The following SPHKAP variants were observed in gnomAD, a reference collection of about 807,000 sequenced individuals.
SPHKAP encodes SPHK1 interactor, AKAP domain containing.
In SPHKAP, 67 loss-of-function variants were observed where a neutral mutation model predicts 137.5. The observed-to-expected ratio is 0.49, with a 90% CI of 0.40 to 0.60. The LOEUF (loss-of-function observed/expected upper bound fraction) is 0.60. SPHKAP is among the 20% of genes least tolerant of loss of function. The probability of loss-of-function intolerance (pLI) is 0.00; values close to 1 mark genes in which losing one functional copy is unlikely to be tolerated. For synonymous variants in SPHKAP, 813 were observed against 785.3 expected (o/e 1.04, Z -0.59); for missense variants, 2,097 against 2,069.3 (o/e 1.01, Z -0.26).
At chr2:228,092,450 ATGTATACATATATGTGC>A (rs1368205769) in intron 3 of SPHKAP, among the ~76,000 whole-genome samples, 11 of 24,450 alleles carry the variant, frequency 4.5e-4, no homozygotes, top group South Asian at 3.1e-3. Flanking sequence ...TGCCATATAT[ATGTATACATATATGTGC>A]CATATATATG....
intron 1 of SPHKAP, among the ~76,000 whole-genome samples, chr2:228,177,453 C>T (rs1236459038): frequency 6.6e-6 from 1 of 152,146 alleles, no homozygotes; most frequent in Admixed American, 6.5e-5. Flanking sequence ...GTTAAGTGTA[C>T]TCTTAAGGCA....
intron 1 of SPHKAP, among the ~76,000 whole-genome samples, chr2:228,137,049 A>G (rs547431812): frequency 6.6e-6 from 1 of 151,806 alleles, no homozygotes; most frequent in African/African-American, 2.4e-5. Flanking sequence ...ACACACAAAC[A>G]CACTTACGCT....
At chr2:228,103,162 T>A (rs1319107950) in intron 3 of SPHKAP, among the ~76,000 whole-genome samples, 1 of 152,220 alleles carries the variant, frequency 6.6e-6, no homozygotes, top group Non-Finnish European at 1.5e-5. Flanking sequence ...CGATGTTCTG[T>A]GTCATGCTTT....
intron 3 of SPHKAP, among the ~76,000 whole-genome samples, chr2:228,041,972 C>T (rs1269821901): frequency 1.3e-5 from 2 of 151,936 alleles, no homozygotes; most frequent in African/African-American, 4.8e-5. Flanking sequence ...AAGGCCGAAC[C>T]ATAACTATGA....
At chr2:228,026,247 G>A (rs1335846213) in intron 4 of SPHKAP, among the ~76,000 whole-genome samples, 1 of 152,004 alleles carries the variant, frequency 6.6e-6, no homozygotes, top group Non-Finnish European at 1.5e-5. Context: ...CCAGTATCGG[G>A]TATGTGTTTA....
At chr2:228,125,874 C>T (rs750580500) in intron 2 of SPHKAP, among the ~76,000 whole-genome samples, 16 of 151,932 alleles carry the variant, frequency 1.1e-4, no homozygotes, top group South Asian at 2.1e-4. Context: ...GTCAGAAGTT[C>T]GAGAACAGCC....
At chr2:228,136,017 A>C (rs967997026) in intron 1 of SPHKAP, among the ~76,000 whole-genome samples, 2 of 152,180 alleles carry the variant, frequency 1.3e-5, no homozygotes, top group Non-Finnish European at 2.9e-5. Flanking sequence ...ATGGAGAAAG[A>C]ATTTTTAGAG....
Position 228,018,514 on chromosome 2 carries a change from C to T in SPHKAP, c.2340G>A (p.Thr780=), listed in dbSNP as rs754790953. The T allele has an allele frequency of 9.3e-6, 15 of 1,614,110 alleles. No individual in the cohort carries two copies. The highest frequency in any genetic ancestry group is 4.4e-5 in the South Asian group (4 of 91,062). ...CCACAAGATTGTTGATGACAAGACTCGTGTTGTGTGAATTGCTAAGTGGAG... is the reference window on the plus strand; with the variant it reads ...CCACAAGATTGTTGATGACAAGACTTGTGTTGTGTGAATTGCTAAGTGGAG... ...SSSPLSNSHN[T]SLVINNLVDG... is the part of the protein sequence containing the mutation. The change falls in exon 7 of 12, where the codon ACG becomes ACA. Residue 780 remains threonine (T), a synonymous_variant. Transcript: ENST00000392056.
chr2:228,094,087 T>G (rs1399075292), intron 3 of SPHKAP, among the ~76,000 whole-genome samples: 1 of 152,056 alleles, frequency 6.6e-6, no homozygotes, highest in Non-Finnish European at 1.5e-5. Context: ...TAATACTAAT[T>G]TTAGGTTTTC....
chr2:228,140,592 C>T (rs78762174), intron 1 of SPHKAP, among the ~76,000 whole-genome samples: 2 of 152,020 alleles, frequency 1.3e-5, no homozygotes, highest in Non-Finnish European at 2.9e-5. Context: ...GAGGGTAACA[C>T]GTAATCCAAG....
chr2:228,169,457 C>T (rs1700517038), intron 1 of SPHKAP, among the ~76,000 whole-genome samples: 1 of 152,014 alleles, frequency 6.6e-6, no homozygotes, highest in South Asian at 2.1e-4. Context: ...GATAAATCTA[C>T]TCTGCCTGTG....
chr2:228,163,543 C>A (rs554063996), intron 1 of SPHKAP, among the ~76,000 whole-genome samples: 1 of 152,260 alleles, frequency 6.6e-6, no homozygotes, highest in Non-Finnish European at 1.5e-5. Context: ...CCCACTCCAT[C>A]CTTTCCTCAG....
At chr2:228,040,980 C>G (rs1214988011) in intron 3 of SPHKAP, among the ~76,000 whole-genome samples, 1 of 152,060 alleles carries the variant, frequency 6.6e-6, no homozygotes, top group Non-Finnish European at 1.5e-5. Context: ...TAGAAGAAAA[C>G]TAAAGAATCA....
At chr2:228,118,727 GC>G (rs1042338614) in intron 2 of SPHKAP, among the ~76,000 whole-genome samples, 5 of 151,916 alleles carry the variant, frequency 3.3e-5, no homozygotes, top group African/African-American at 1.2e-4. Context: ...TTTAATGTTA[GC>G]TTTGGAATGC....
rs1477217534 is a variant in SPHKAP at position 228,020,116 on chromosome 2, A to G, written c.738T>C (p.Ser246=). 1.2e-6 allele frequency: 2 copies of G among 1,610,312 alleles called. No homozygotes were observed. Among genetic ancestry groups the G allele is most frequent in the Non-Finnish European group, 1.7e-6 (2 of 1,179,002 alleles). The change falls in exon 7 of 12, where the codon AGT becomes AGC. Residue 246 remains serine, a synonymous_variant. Transcript: ENST00000392056. The stretch of plus-strand genomic sequence containing the variant: ...CCTGGGTGGCTCCCTTTAGCTGTTT[A>G]CTTTCCAAAACATTGGCTGAGACAT... The part of the protein sequence containing the change: ...NINVSANVLE[S]KQLKGATQVE...
At chr2:228,117,715 C>T (rs6753854) in intron 2 of SPHKAP, among the ~76,000 whole-genome samples, 52,202 of 151,722 alleles carry the variant, frequency 0.34, 9,225 homozygotes, top group East Asian at 0.5. Context: ...AACCAGCAGC[C>T]GAATCAAGAT....
intron 7 of SPHKAP, among the ~76,000 whole-genome samples, chr2:228,012,774 T>C (rs1694438737): frequency 6.6e-6 from 1 of 152,228 alleles, no homozygotes; most frequent in Admixed American, 6.5e-5. Context: ...CTAAAATATG[T>C]TTCTAAAACT....
At chr2:228,171,837 C>CA (rs1262215224) in intron 1 of SPHKAP, among the ~76,000 whole-genome samples, 1 of 152,062 alleles carries the variant, frequency 6.6e-6, no homozygotes, top group Admixed American at 6.6e-5. Context: ...TGTTGACTGA[C>CA]AATTGACTCT....
chr2:228,135,369 CAAAATTGGGGTGATGT>C (rs1383552353), intron 1 of SPHKAP, among the ~76,000 whole-genome samples: 1 of 151,664 alleles, frequency 6.6e-6, no homozygotes, highest in Non-Finnish European at 1.5e-5. Context: ...TGGTTAGGTC[CAAAATTGGGGTGATGT>C]AAAAATAGAG....
Sources: gnomAD v4.1 joint callset for allele counts (sites outside exome capture counted in the v4.1 genomes callset) on GRCh38, gnomAD v4.1.1 for gene constraint, MANE v1.5 for transcripts, NCBI Gene and HGNC (gene_info 2026-07-23, HGNC 2026-07-21) for gene names.